MYLK: variants seen among roughly 807,000 people sequenced by gnomAD.
The protein encoded by MYLK is myosin light chain kinase.
A neutral mutation model predicts 203.4 loss-of-function variants in MYLK; 106 were observed. The observed-to-expected ratio is 0.52, with a 90% confidence interval of 0.45 to 0.61. MYLK has a LOEUF of 0.61. MYLK is among the 20% of genes least tolerant of loss of function. The probability of loss-of-function intolerance (pLI) is 0.00; values close to 1 mark genes in which losing one functional copy is unlikely to be tolerated. For missense variants in MYLK, 2,072 were observed against 2,442.3 expected (o/e 0.85, Z 3.20); for synonymous variants, 867 against 959.5 (o/e 0.90, Z 1.78).
At chr3:123,753,747 C>T (rs2063279013) in intron 4 of MYLK, among the ~76,000 whole-genome samples, 2 of 152,172 alleles carry the variant, frequency 1.3e-5, no homozygotes, top group Non-Finnish European at 2.9e-5. Context: ...CACTAATGCA[C>T]AGCCAAGGAC....
intron 6 of MYLK, 144 bp downstream of exon 6, chr3:123,739,808 TA>T (rs2062802770): frequency 2.2e-6 from 2 of 891,354 alleles, no homozygotes; most frequent in Non-Finnish European, 3.7e-6. Context: ...AGGTGCTGTG[TA>T]AATGACACAT....
chr3:123,871,054 T>C (rs1203862291), intron 2 of MYLK, among the ~76,000 whole-genome samples: 2 of 151,916 alleles, frequency 1.3e-5, no homozygotes. Flanking sequence ...GGTGTGACCG[T>C]TCGCCTCCTT....
In MYLK at chr3:123,648,942, G is replaced by A; in HGVS notation, c.4415+29C>T. On this transcript the variant is annotated intron_variant, in intron 26 of 33. Transcript: ENST00000360304. The surrounding 1 kb of genome is among the most constrained non-coding windows in gnomAD (Gnocchi z 4.5). The stretch of plus-strand genomic sequence containing the variant: ...GACCCGCACCACCCTCACCCTGGGA[G>A]CCCAGAGGCAACTTCCCACTCCACT... The A allele has an allele frequency of 6.3e-7, 1 of 1,596,164 alleles. No individual in the cohort carries two copies. The highest frequency in any genetic ancestry group is 8.6e-7 in the Non-Finnish European group (1 of 1,163,996).
rs559342935 is a variant in MYLK at position 123,806,010 on chromosome 3, A to C, written c.-3-12166T>G. Reference sequence around the variant, plus strand: ...GTTTCACATTTCACTTAAATGTTTTAGTTCATTTAAATATTGCTACAAACA... The same window carrying C: ...GTTTCACATTTCACTTAAATGTTTTCGTTCATTTAAATATTGCTACAAACA... On this transcript the variant is annotated intron_variant, in intron 3 of 33. Transcript: ENST00000360304. Among the ~76,000 whole-genome samples the C allele has an allele frequency of 2.6e-5, 4 of 152,390 alleles. No homozygotes were observed. The South Asian group carries it at 8.3e-4, about 32-fold the overall frequency.
At chr3:123,692,637 G>A (rs2060723497) in intron 19 of MYLK, 98 bp downstream of exon 19, 1 of 986,348 alleles carries the variant, frequency 1.0e-6, no homozygotes. Flanking sequence ...CAGTGTTGGA[G>A]GCAGTTCTGT....
At chr3:123,862,874 T>C (rs748221340) in intron 2 of MYLK, among the ~76,000 whole-genome samples, 2 of 152,166 alleles carry the variant, frequency 1.3e-5, no homozygotes, top group Non-Finnish European at 2.9e-5. Flanking sequence ...AGGTATCCCA[T>C]GGGCTCCCCA....
rs997189997 is a variant in MYLK at position 123,786,652 on chromosome 3, T to C, written c.165+7025A>G. Among the ~76,000 whole-genome samples the C allele has an allele frequency of 4.2e-4, 64 of 152,088 alleles. 1 individual carries two copies. The highest frequency in any genetic ancestry group is 1.5e-3 in the African/African-American group (61 of 41,432). On this transcript the variant is annotated intron_variant, in intron 4 of 33. Coordinates refer to ENST00000360304, the MANE Select transcript of MYLK (RefSeq NM_053025.4). ...GTATTTTTCAAAATAAAGAGTGTAA[T>C]TGACTTGTTTGTAACTCAAAGGATA...
At chr3:123,722,105 C>T (rs2062110069) in intron 13 of MYLK, 23 bp downstream of exon 13, 2 of 1,558,204 alleles carry the variant, frequency 1.3e-6, no homozygotes, top group Non-Finnish European at 1.7e-6. Context: ...GGTGCTTCTA[C>T]CCAGGTGCCC....
intron 11 of MYLK, among the ~76,000 whole-genome samples, chr3:123,727,585 CAGTG>C (rs1036292570): frequency 3.3e-5 from 5 of 152,088 alleles, no homozygotes; most frequent in African/African-American, 1.2e-4. Flanking sequence ...AGCACATCCT[CAGTG>C]AGTGTTAGCT....
chr3:123,709,171 T>C (rs1262756031), intron 14 of MYLK: 4 of 267,758 alleles, frequency 1.5e-5, no homozygotes, highest in South Asian at 5.3e-5. Context: ...ACAGAGTCTT[T>C]GCTCTGTCGC....
intron 3 of MYLK, among the ~76,000 whole-genome samples, chr3:123,803,454 C>T (rs577504695): frequency 1.3e-5 from 2 of 152,304 alleles, no homozygotes; most frequent in African/African-American, 4.8e-5. Flanking sequence ...TATTGTGGTG[C>T]TGCCACCCAA....
intron 5 of MYLK, among the ~76,000 whole-genome samples, chr3:123,748,745 G>A (rs1348212159): frequency 1.1e-4 from 16 of 152,144 alleles, no homozygotes; most frequent in Admixed American, 1.0e-3. Context: ...ACACAAGCCT[G>A]GGCAATACGG....
intron 2 of MYLK, among the ~76,000 whole-genome samples, chr3:123,837,276 C>A (rs1237111780): frequency 6.6e-6 from 1 of 152,048 alleles, no homozygotes; most frequent in Non-Finnish European, 1.5e-5. Flanking sequence ...AGGTGATCCA[C>A]CCCCTTGGCC....
intron 3 of MYLK, among the ~76,000 whole-genome samples, chr3:123,825,854 T>C (rs564846572): frequency 6.6e-6 from 1 of 152,362 alleles, no homozygotes; most frequent in East Asian, 1.9e-4. Flanking sequence ...CTGCCAGTTC[T>C]GCCTGGGGAA....
At chr3:123,711,748 T>C in intron 13 of MYLK, among the ~76,000 whole-genome samples, 1 of 152,214 alleles carries the variant, frequency 6.6e-6, no homozygotes, top group East Asian at 1.9e-4. Flanking sequence ...ATCTCTAACT[T>C]AAACCCTAAG....
At chr3:123,865,612 A>G (rs2032274580) in intron 2 of MYLK, among the ~76,000 whole-genome samples, 1 of 152,224 alleles carries the variant, frequency 6.6e-6, no homozygotes, top group Non-Finnish European at 1.5e-5. Flanking sequence ...AAGAAGCTCC[A>G]TTAGTGAAGA....
intron 3 of MYLK, among the ~76,000 whole-genome samples, chr3:123,818,379 C>A (rs958309168): frequency 1.3e-5 from 2 of 152,154 alleles, no homozygotes; most frequent in Admixed American, 6.6e-5. Flanking sequence ...TTGACTATGA[C>A]CCTCTTGCTA....
At position 123,733,974 on chromosome 3, in the gene MYLK, G is replaced by A; in HGVS notation, c.1022C>T (p.Thr341Ile). The change falls in exon 10 of 34, where the codon ACT (threonine) becomes ATT (isoleucine). Residue 341 changes from threonine (T) to isoleucine (I), a missense_variant. Physicochemically the swap from Thr to Ile is moderately conservative, Grantham distance 89. Around this residue, in one of 3 missense-constraint regions of MYLK, gnomAD observed 683 missense variants for 643.8 expected, o/e 1.06. Coordinates refer to ENST00000360304, the MANE Select transcript of MYLK (RefSeq NM_053025.4). ...TAPQTPVLQKTSSSITLQAAR... is the reference protein window; with the variant it reads ...TAPQTPVLQKISSSITLQAAR... ...GGCCTGCAGGGTGATGGAGCTGGAA[G>A]TCTTCTGAAGGACCGGGGTCTGCGG... is the stretch of plus-strand genomic sequence containing the variant. 1.2e-6 allele frequency: 2 copies of A among 1,614,208 alleles called. No individual in the cohort carries two copies. The highest frequency in any genetic ancestry group is 8.5e-7 in the Non-Finnish European group (1 of 1,180,044).
chr3:123,712,890 C>T (rs775449801), intron 13 of MYLK, among the ~76,000 whole-genome samples: 6 of 152,248 alleles, frequency 3.9e-5, no homozygotes, highest in Non-Finnish European at 5.9e-5. Context: ...AACTGACTCA[C>T]ATCTATCCAC....
Sources: allele counts gnomAD v4.1 joint callset (sites outside exome capture counted in the v4.1 genomes callset), GRCh38; gene constraint gnomAD v4.1.1; regional missense constraint gnomAD v4.1.1; non-coding constraint Gnocchi (gnomAD v3.1); transcripts MANE v1.5; gene names NCBI Gene and HGNC (gene_info 2026-07-23, HGNC 2026-07-21).